ZMAT4: variants seen among roughly 807,000 people sequenced by gnomAD.
The protein encoded by ZMAT4 is zinc finger matrin-type protein 4.
A neutral mutation model predicts 28.7 loss-of-function variants in ZMAT4; 17 were observed. That is an observed-to-expected ratio of 0.59 (90% confidence interval 0.41 to 0.89). The LOEUF (loss-of-function observed/expected upper bound fraction) is 0.89. Ranked by LOEUF, ZMAT4 falls within the 40% of genes least tolerant of loss-of-function variation. The pLI is 0.00. For synonymous variants in ZMAT4, 117 were observed against 109.2 expected, an observed-to-expected ratio of 1.07 and a Z score of -0.44; for missense variants, 240 against 283.8, an observed-to-expected ratio of 0.85 and a Z score of 1.11.
At chr8:40,764,460 G>A (rs1813062538) in intron 3 of ZMAT4, among the ~76,000 whole-genome samples, 2 of 152,182 alleles carry the variant, frequency 1.3e-5, no homozygotes, top group Non-Finnish European at 2.9e-5. Context: ...CACTGCGTTT[G>A]TAAGTAAATT....
chr8:40,789,464 G>A (rs556879767), intron 2 of ZMAT4, among the ~76,000 whole-genome samples: 1 of 152,256 alleles, frequency 6.6e-6, no homozygotes, highest in East Asian at 1.9e-4. Context: ...ATGGACAATG[G>A]TCAGACCATA....
At chr8:40,722,990 T>C (rs1030632209) in intron 3 of ZMAT4, among the ~76,000 whole-genome samples, 1 of 152,154 alleles carries the variant, frequency 6.6e-6, no homozygotes, top group African/African-American at 2.4e-5. Context: ...TGCCATTTCT[T>C]CCCACCCCAT....
intron 3 of ZMAT4, among the ~76,000 whole-genome samples, chr8:40,703,089 CA>C (rs1810214530): frequency 6.6e-6 from 1 of 152,012 alleles, no homozygotes; most frequent in Admixed American, 6.6e-5. Context: ...GATGGATTGA[CA>C]AAAATATTGT....
chr8:40,891,084 A>T (rs946795434), intron 1 of ZMAT4, among the ~76,000 whole-genome samples: 1 of 150,290 alleles, frequency 6.7e-6, no homozygotes, highest in Non-Finnish European at 1.5e-5. Flanking sequence ...TTGTAATCCC[A>T]GAGCTTTGGG....
intron 5 of ZMAT4, among the ~76,000 whole-genome samples, chr8:40,670,759 C>T (rs980453480): frequency 6.6e-6 from 1 of 151,794 alleles, no homozygotes; most frequent in African/African-American, 2.4e-5. Flanking sequence ...CACAAATGAC[C>T]AATAAGCACA....
At chr8:40,646,980 G>A (rs1329376125) in intron 5 of ZMAT4, among the ~76,000 whole-genome samples, 1 of 152,110 alleles carries the variant, frequency 6.6e-6, no homozygotes, top group Non-Finnish European at 1.5e-5. Flanking sequence ...AAATTGAAAT[G>A]GATTAAAATC....
intron 3 of ZMAT4, among the ~76,000 whole-genome samples, chr8:40,732,877 G>A (rs1450474820): frequency 3.1e-5 from 3 of 97,706 alleles, no homozygotes; most frequent in African/African-American, 1.2e-4. Flanking sequence ...TGGGGGTTTA[G>A]CACTGTTGCT....
At chr8:40,536,573 AGGT>A (rs1040440431) in intron 6 of ZMAT4, among the ~76,000 whole-genome samples, 1 of 152,192 alleles carries the variant, frequency 6.6e-6, no homozygotes, top group African/African-American at 2.4e-5. Context: ...ACAGAAAATC[AGGT>A]GAGGCTCCTC....
intron 3 of ZMAT4, among the ~76,000 whole-genome samples, chr8:40,723,360 T>C (rs915921031): frequency 2.0e-5 from 3 of 152,026 alleles, no homozygotes; most frequent in Non-Finnish European, 4.4e-5. Flanking sequence ...CTGGCCTACA[T>C]GGTGAAACCC....
rs528094239 is a variant in ZMAT4, at chr8:40,603,287, C to T, written c.578-22026G>A. Among the ~76,000 whole-genome samples, 11 of 152,198 alleles carry T rather than the reference C, an allele frequency of 7.2e-5. No individual in the cohort carries two copies. In the South Asian group the frequency reaches 2.1e-3, roughly 29 times the overall value. On this transcript the variant is annotated intron_variant, in intron 5 of 6. Transcript: ENST00000297737. ...TATTCTGTTCCATTGGTCTATGTGC[C>T]TATTTTTACACCAGTACCATTCTGT...
At chr8:40,711,332 C>T (rs1032413772) in intron 3 of ZMAT4, among the ~76,000 whole-genome samples, 28 of 152,132 alleles carry the variant, frequency 1.8e-4, no homozygotes, top group Non-Finnish European at 4.1e-4. Flanking sequence ...TTTGCAACCT[C>T]CAATGAATTA....
At position 40,804,139 on chromosome 8, in the gene ZMAT4, A is replaced by T. The variant is rs573452595; in HGVS notation, c.102+21436T>A. On this transcript the variant is annotated intron_variant, in intron 2 of 6. Coordinates refer to ENST00000297737, the MANE Select transcript of ZMAT4 (RefSeq NM_024645.3). ...TCTTAGGGAAATACAGTTACTCTGT[A>T]TGATACTATAATCCTAGACACAAAT... Among the ~76,000 whole-genome samples the T allele has an allele frequency of 8.5e-5, 13 of 152,356 alleles. No individual in the cohort carries two copies. In the East Asian group the frequency reaches 2.5e-3, roughly 29 times the overall value.
In ZMAT4 at chr8:40,712,507, C is replaced by T. The variant is rs185594808; in HGVS notation, c.193-15106G>A. On this transcript the variant is annotated intron_variant, in intron 3 of 6. Transcript: ENST00000297737. ...CATGCTATCACATCAATAAATAAAA[C>T]ACACATTGTTTCGCCATCTTTCTAC... Among the ~76,000 whole-genome samples the T allele has an allele frequency of 7.2e-5, 11 of 152,292 alleles. No individual in the cohort carries two copies. In the East Asian group the frequency reaches 2.1e-3, roughly 29 times the overall value.
At chr8:40,581,781 A>G (rs774375204) in intron 5 of ZMAT4, among the ~76,000 whole-genome samples, 1 of 152,212 alleles carries the variant, frequency 6.6e-6, no homozygotes, top group Non-Finnish European at 1.5e-5. Flanking sequence ...GTGAAGTCTT[A>G]CGTTCCACCA....
chr8:40,574,828 G>A (rs887283007), intron 6 of ZMAT4, among the ~76,000 whole-genome samples: 10 of 152,306 alleles, frequency 6.6e-5, no homozygotes, highest in African/African-American at 2.4e-4. Context: ...TACTACAGGG[G>A]AATCCCAAAG....
intron 2 of ZMAT4, among the ~76,000 whole-genome samples, chr8:40,778,349 C>A (rs1475408786): frequency 6.6e-6 from 1 of 152,158 alleles, no homozygotes; most frequent in African/African-American, 2.4e-5. Flanking sequence ...AAGAACATTT[C>A]TCAGTGTAAA....
chr8:40,779,100 G>A (rs1012509069), intron 2 of ZMAT4, among the ~76,000 whole-genome samples: 1 of 152,148 alleles, frequency 6.6e-6, no homozygotes, highest in African/African-American at 2.4e-5. Flanking sequence ...CCTGGTGGGA[G>A]ATAATTGAAT....
chr8:40,540,771 G>A (rs1277737653), intron 6 of ZMAT4, among the ~76,000 whole-genome samples: 1 of 152,202 alleles, frequency 6.6e-6, no homozygotes, highest in Non-Finnish European at 1.5e-5. Context: ...TAGGTAGTTA[G>A]CGTCAGAATT....
intron 3 of ZMAT4, among the ~76,000 whole-genome samples, chr8:40,734,315 T>A (rs1238953793): frequency 6.6e-6 from 1 of 152,216 alleles, no homozygotes; most frequent in African/African-American, 2.4e-5. Flanking sequence ...CATTATTAAA[T>A]GGCACTTAAG....
Sources: allele counts gnomAD v4.1 joint callset (sites outside exome capture counted in the v4.1 genomes callset), GRCh38; gene constraint gnomAD v4.1.1; transcripts MANE v1.5; gene names NCBI Gene and HGNC (gene_info 2026-07-23, HGNC 2026-07-21).